Variants in C5 observed in about 807,000 individuals in gnomAD.
C5 encodes C3 and PZP-like alpha-2-macroglobulin domain-containing protein 4.
Under a neutral mutation model 218.8 loss-of-function variants are expected in C5, and 140 were observed. That is an observed-to-expected ratio of 0.64 (90% CI 0.56 to 0.74). C5 has a LOEUF of 0.74. Ranked by LOEUF, C5 falls within the 30% of genes least tolerant of loss-of-function variation. The probability of loss-of-function intolerance (pLI) is 0.00; values close to 1 mark genes in which losing one functional copy is unlikely to be tolerated. For synonymous variants in C5, 614 were observed against 682.3 expected, an observed-to-expected ratio of 0.90 and a Z score of 1.56; for missense variants, 1,700 against 1,969.6, an observed-to-expected ratio of 0.86 and a Z score of 2.59.
At chr9:121,047,492 G>A (rs1000863881) in intron 1 of C5, among the ~76,000 whole-genome samples, 1 of 152,066 alleles carries the variant, frequency 6.6e-6, no homozygotes, top group Non-Finnish European at 1.5e-5. Flanking sequence ...AACTACATAC[G>A]CTATTACATA....
At chr9:121,043,983 TAAAAA>T (rs1489214224) in intron 2 of C5, among the ~76,000 whole-genome samples, 1 of 152,036 alleles carries the variant, frequency 6.6e-6, no homozygotes. Flanking sequence ...TGAAAAGTGA[TAAAAA>T]AGAAAAGTGT....
chr9:121,051,876 G>T (rs550471889), upstream of C5, among the ~76,000 whole-genome samples: 1 of 152,230 alleles, frequency 6.6e-6, no homozygotes, highest in South Asian at 2.1e-4. Flanking sequence ...AAAACAAACA[G>T]TACTTTTGCC....
chr9:121,054,247 T>C (rs2047687276), upstream of C5, among the ~76,000 whole-genome samples: 1 of 152,120 alleles, frequency 6.6e-6, no homozygotes, highest in Non-Finnish European at 1.5e-5. Flanking sequence ...CCTCAGGCCA[T>C]TCATGCAAGG....
rs373917061 is a variant in C5 at position 121,021,713 on chromosome 9, C to T, written c.1117-19G>A. 4 of 1,601,266 alleles carry T rather than the reference C, an allele frequency of 2.5e-6. No homozygotes were observed. The highest frequency in any genetic ancestry group is 2.7e-5 in the African/African-American group (2 of 74,626). ...CCTGCACCTGTTTGTCAAAACAATC[C>T]AAATCTATTTCAACAGCTCATCACT... On this transcript the variant is annotated intron_variant, in intron 10 of 40. Transcript: ENST00000223642.
At chr9:121,037,234 G>C (rs2047534110) in intron 4 of C5, among the ~76,000 whole-genome samples, 1 of 150,502 alleles carries the variant, frequency 6.6e-6, no homozygotes, top group African/African-American at 2.4e-5. Flanking sequence ...TATCCATTAT[G>C]TATATCTTAT....
intron 8 of C5, chr9:121,025,854 C>T: frequency 2.9e-6 from 1 of 350,130 alleles, no homozygotes; most frequent in Non-Finnish European, 5.4e-6. Context: ...CTTCCAATTC[C>T]TGCGTCATCA....
At chr9:120,967,590 G>A (rs1446135030) in intron 33 of C5, among the ~76,000 whole-genome samples, 1 of 152,176 alleles carries the variant, frequency 6.6e-6, no homozygotes, top group Admixed American at 6.5e-5. Flanking sequence ...AGAAAGGACT[G>A]AGGGACGATG....
chr9:120,971,123 G>A (rs2046909083), intron 31 of C5, among the ~76,000 whole-genome samples: 1 of 141,974 alleles, frequency 7.0e-6, no homozygotes, highest in South Asian at 2.2e-4. Flanking sequence ...AGTGAGCCAA[G>A]ATTGCACCAC....
At chr9:121,024,778 T>C (rs1035996393) in intron 9 of C5, among the ~76,000 whole-genome samples, 4 of 152,238 alleles carry the variant, frequency 2.6e-5, no homozygotes, top group African/African-American at 9.6e-5. Context: ...TATGGAATTC[T>C]TTCTTGCAAC....
In C5 at chr9:121,021,700, T is replaced by G. The variant is rs749345780; in HGVS notation, c.1117-6A>C. 2.0e-5 allele frequency: 32 copies of G among 1,611,376 alleles called. No individual in the cohort carries two copies. Among genetic ancestry groups the G allele is most frequent in the Non-Finnish European group, 2.5e-5 (29 of 1,177,594 alleles). ...AGCGAATCTTTAACCTGCACCTGTT[T>G]GTCAAAACAATCCAAATCTATTTCA... On this transcript the variant is annotated splice_polypyrimidine_tract_variant and splice_region_variant and intron_variant, in intron 10 of 40. Coordinates refer to ENST00000223642, the MANE Select transcript of C5 (RefSeq NM_001735.3).
chr9:121,032,100 T>C lies in C5; in HGVS notation c.667+13A>G, dbSNP rs2047480357. ...CAAAAAGCAAAGAAAAACTTTTACT[T>C]GTCAGAAATTACCATATTCTTTAAC... On this transcript the variant is annotated intron_variant, in intron 6 of 40. Transcript: ENST00000223642. The C allele has an allele frequency of 6.6e-7, 1 of 1,516,534 alleles. No individual in the cohort carries two copies. The highest frequency in any genetic ancestry group is 2.3e-5 in the East Asian group (1 of 44,340). The allele number at this position is 1,516,534 out of a possible 1,614,324, so 93.9% of individuals were successfully genotyped here.
intron 38 of C5, among the ~76,000 whole-genome samples, chr9:120,959,287 T>C (rs903384490): frequency 7.2e-5 from 10 of 138,510 alleles, no homozygotes; most frequent in Non-Finnish European, 1.2e-4. Flanking sequence ...AGACAGAGTC[T>C]TGCTGGTGTT....
chr9:121,004,671 G>T (rs1333320314), intron 20 of C5, among the ~76,000 whole-genome samples: 1 of 151,932 alleles, frequency 6.6e-6, no homozygotes, highest in East Asian at 1.9e-4. Context: ...TACTCAGGAG[G>T]CTGAGTCATG....
intron 21 of C5, 78 bp downstream of exon 21, chr9:120,997,469 T>A (rs1214713288): frequency 1.0e-5 from 11 of 1,068,882 alleles, no homozygotes; most frequent in Non-Finnish European, 1.6e-5. Context: ...ATTTACACTA[T>A]TGTTTCTCTC....
chr9:120,989,220 G>A, intron 24 of C5, 99 bp from the exon 25 acceptor site: 1 of 944,092 alleles, frequency 1.1e-6, no homozygotes, highest in Non-Finnish European at 1.7e-6. Flanking sequence ...TTCCTTTGGT[G>A]TTGGGCAGCA....
In C5 at chr9:121,020,060, C is replaced by G. The variant is rs2047350087; in HGVS notation, c.1422G>C (p.Lys474Asn). The change falls in exon 12 of 41, where the codon AAG becomes AAC. Residue 474 changes from lysine to asparagine, a missense_variant. Lys to Asn is a moderately conservative substitution (Grantham distance 94, BLOSUM62 0). Coordinates refer to ENST00000223642, the MANE Select transcript of C5 (RefSeq NM_001735.3). ...TCAGATGTTCTCCCACTAGCAAAGC[C>G]TTATGGTTATCAGTCCAATCAATAT... Reference protein sequence around the residue: ...YLYIDWTDNHKALLVGEHLNI... With the variant: ...YLYIDWTDNHNALLVGEHLNI... 6 of 1,613,392 alleles carry G rather than the reference C, an allele frequency of 3.7e-6. No individual in the cohort carries two copies. Among genetic ancestry groups the G allele is most frequent in the Non-Finnish European group, 4.2e-6 (5 of 1,179,458 alleles).
In C5 at chr9:120,962,784, A is replaced by C; in HGVS notation, c.4399-8T>G. 6.2e-7 allele frequency: 1 copy of C among 1,612,128 alleles called. No homozygotes were observed. The highest frequency in any genetic ancestry group is 8.5e-7 in the Non-Finnish European group (1 of 1,178,152). ...GAAATCACTGGAGGGAATCTGTTTA[A>C]CAAATTCAAGGATTTAAGGAAATTA... is the stretch of plus-strand genomic sequence containing the variant. On this transcript the variant is annotated splice_polypyrimidine_tract_variant and splice_region_variant and intron_variant, in intron 35 of 40. Transcript: ENST00000223642.
At chr9:121,014,168 T>A in intron 16 of C5, 98 bp from the exon 17 acceptor site, 1 of 1,009,452 alleles carries the variant, frequency 9.9e-7, no homozygotes, top group East Asian at 2.5e-5. Flanking sequence ...TGTTGCTATA[T>A]GATCCCCCTA....
At chr9:120,973,703 G>T (rs761948966) in intron 30 of C5, among the ~76,000 whole-genome samples, 2 of 152,252 alleles carry the variant, frequency 1.3e-5, no homozygotes, top group East Asian at 3.9e-4. Flanking sequence ...TCTCTGCTGG[G>T]CATGGTGGCT....
Sources: gnomAD v4.1 joint callset for allele counts (sites outside exome capture counted in the v4.1 genomes callset) on GRCh38, gnomAD v4.1.1 for gene constraint, MANE v1.5 for transcripts, NCBI Gene and HGNC (gene_info 2026-07-23, HGNC 2026-07-21) for gene names.